TAMM41: variants seen among roughly 807,000 people sequenced by gnomAD.
TAMM41 encodes phosphatidate cytidylyltransferase, mitochondrial.
Under a neutral mutation model 44.1 loss-of-function variants are expected in TAMM41, and 36 were observed. The observed-to-expected ratio is 0.82, with a 90% CI of 0.63 to 1.08. The LOEUF (loss-of-function observed/expected upper bound fraction) is 1.08, where lower values mean the gene tolerates loss of function less well. Among genes scored for constraint, TAMM41 ranks in the 50% least tolerant of loss-of-function variants. TAMM41 has a pLI of 0.00. For synonymous variants in TAMM41, 164 were observed against 153.1 expected, an observed-to-expected ratio of 1.07 and a Z score of -0.53; for missense variants, 417 against 404.3, an observed-to-expected ratio of 1.03 and a Z score of -0.27.
chr3:11,783,377 TG>T, the TAMM41 span, among the ~76,000 whole-genome samples: 3 of 151,404 alleles, frequency 2.0e-5, no homozygotes, highest in Non-Finnish European at 4.4e-5. Context: ...AGAGCTGACC[TG>T]GGGGGTATGA....
At chr3:11,808,555 G>C (rs1006645465) in intron 6 of TAMM41, 2 of 985,332 alleles carry the variant, frequency 2.0e-6, no homozygotes, top group Admixed American at 1.2e-4. Context: ...AATTCTATCT[G>C]GCACGCGGAG....
chr3:11,836,608 C>T (rs773961277), intron 3 of TAMM41, among the ~76,000 whole-genome samples: 6 of 152,256 alleles, frequency 3.9e-5, no homozygotes, highest in East Asian at 1.9e-4. Context: ...GGATTACTGG[C>T]GTGTGCCACC....
intron 1 of TAMM41, among the ~76,000 whole-genome samples, chr3:11,845,400 G>A (rs2125074853): frequency 6.6e-6 from 1 of 152,282 alleles, no homozygotes; most frequent in South Asian, 2.1e-4. Flanking sequence ...GGGAATTCCA[G>A]GTCTATTCAA....
intron 3 of TAMM41, among the ~76,000 whole-genome samples, chr3:11,834,845 CCT>C (rs1559319704): frequency 6.6e-6 from 1 of 152,052 alleles, no homozygotes; most frequent in Non-Finnish European, 1.5e-5. Flanking sequence ...CACCACCTCG[CCT>C]GGCTAATTTT....
the TAMM41 span, chr3:11,725,079 TTCTTCC>T: frequency 6.5e-6 from 1 of 153,990 alleles, no homozygotes; most frequent in Non-Finnish European, 1.4e-5. Flanking sequence ...CTTTTTCCTC[TTCTTCC>T]TCTTCCTCTT....
At chr3:11,767,545 G>A in the TAMM41 span, among the ~76,000 whole-genome samples, 1 of 150,868 alleles carries the variant, frequency 6.6e-6, no homozygotes, top group Non-Finnish European at 1.5e-5. Context: ...ACTGTTTTCT[G>A]TAGTAGCTTT....
At chr3:11,767,315 C>T in the TAMM41 span, among the ~76,000 whole-genome samples, 9 of 152,134 alleles carry the variant, frequency 5.9e-5, no homozygotes, top group East Asian at 1.7e-3. Context: ...GTGATCTGCC[C>T]GCCTCAGCCT....
chr3:11,833,908 T>C lies in TAMM41; in HGVS notation c.412-4044A>G, dbSNP rs148510439. 1.2e-4 allele frequency among the ~76,000 whole-genome samples: 19 copies of C among 152,266 alleles called. 1 individual carries two copies. ...TCATTGAATTGTACTCTTTAAATGG[T>C]TGAGCTGTGTGGTATGCGAATTTTA... On this transcript the variant is annotated intron_variant, in intron 3 of 7. Coordinates refer to ENST00000455809, the MANE Select transcript of TAMM41 (RefSeq NM_001284401.2).
the TAMM41 span, among the ~76,000 whole-genome samples, chr3:11,782,847 T>G: frequency 5.9e-5 from 9 of 152,212 alleles, no homozygotes; most frequent in Admixed American, 2.6e-4. Flanking sequence ...CCTGAGTCAA[T>G]GAGCATCTTC....
rs191521474 is a variant in TAMM41, at chr3:11,814,932, C to A, written c.708+2260G>T. ...TGAGCTGGGATTACGCCTCTGCACTCTAGCCAGGGCAACTGAGCAAGGCCC... is the reference window on the plus strand; with the variant it reads ...TGAGCTGGGATTACGCCTCTGCACTATAGCCAGGGCAACTGAGCAAGGCCC... On this transcript the variant is annotated intron_variant, in intron 5 of 7. Coordinates refer to ENST00000455809, the MANE Select transcript of TAMM41 (RefSeq NM_001284401.2). Among the ~76,000 whole-genome samples the A allele has an allele frequency of 1.2e-3, 185 of 152,114 alleles. 1 individual carries two copies. Among genetic ancestry groups the A allele is most frequent in the Middle Eastern group, 0.01 (3 of 294 alleles).
intron 6 of TAMM41, 200 bp from the exon 7 acceptor site, chr3:11,808,095 GCCAC>G (rs2077973981): frequency 2.6e-6 from 3 of 1,135,688 alleles, no homozygotes; most frequent in Non-Finnish European, 3.6e-6. Context: ...CAGCCGTGGC[GCCAC>G]CCGGCTGTGT....
At chr3:11,827,976 C>T (rs1417970755) in intron 4 of TAMM41, among the ~76,000 whole-genome samples, 1 of 152,072 alleles carries the variant, frequency 6.6e-6, no homozygotes, top group African/African-American at 2.4e-5. Context: ...GATTAGGGAC[C>T]ATATATAATC....
the TAMM41 span, among the ~76,000 whole-genome samples, chr3:11,769,777 A>G: frequency 6.6e-6 from 1 of 152,232 alleles, no homozygotes; most frequent in South Asian, 2.1e-4. Context: ...GGCAGAGGGT[A>G]TCTTTCAGCC....
intron 4 of TAMM41, 72 bp downstream of exon 4, chr3:11,829,642 A>G: frequency 1.3e-6 from 2 of 1,547,736 alleles, no homozygotes; most frequent in South Asian, 2.3e-5. Context: ...GGGCCGAGTG[A>G]GAACAGGATA....
At chr3:11,823,828 GC>G (rs1402775438) in intron 4 of TAMM41, among the ~76,000 whole-genome samples, 1 of 65,068 alleles carries the variant, frequency 1.5e-5, no homozygotes, top group Admixed American at 2.1e-4. Context: ...ACCATGCCCG[GC>G]TTTTTTTTTT....
At chr3:11,786,316 A>ATTATTT (rs1553564672), downstream of TAMM41, among the ~76,000 whole-genome samples, 597 of 134,676 alleles carry the variant, frequency 4.4e-3, 5 homozygotes, top group Non-Finnish European at 6.8e-3. Flanking sequence ...TATTATTATT[A>ATTATTT]TTTTTTGAGA....
chr3:11,763,301 G>C, the TAMM41 span, among the ~76,000 whole-genome samples: 1 of 152,126 alleles, frequency 6.6e-6, no homozygotes, highest in African/African-American at 2.4e-5. Context: ...ACCATGCCCA[G>C]TTGATTTTTA....
intron 2 of TAMM41, among the ~76,000 whole-genome samples, chr3:11,841,362 C>T (rs1234919829): frequency 2.0e-5 from 3 of 152,116 alleles, no homozygotes; most frequent in Admixed American, 6.5e-5. Context: ...GGATTACAGG[C>T]ATGAGCTGCC....
At chr3:11,788,945 CA>C (rs567151387), downstream of TAMM41, among the ~76,000 whole-genome samples, 8 of 147,258 alleles carry the variant, frequency 5.4e-5, no homozygotes, top group Non-Finnish European at 1.1e-4. Flanking sequence ...CTTGAAAAAA[CA>C]AAAAAGAAAA....
Sources: gnomAD v4.1 joint callset for allele counts (sites outside exome capture counted in the v4.1 genomes callset) on GRCh38, gnomAD v4.1.1 for gene constraint, MANE v1.5 for transcripts, NCBI Gene and HGNC (gene_info 2026-07-23, HGNC 2026-07-21) for gene names.